AUH: variants seen among roughly 807,000 people sequenced by gnomAD.
AUH encodes methylglutaconyl-CoA hydratase, mitochondrial.
In AUH, 29 loss-of-function variants were observed where a neutral mutation model predicts 42.3. The observed-to-expected ratio is 0.69, with a 90% CI of 0.51 to 0.93. The LOEUF (loss-of-function observed/expected upper bound fraction) is 0.93. Among genes scored for constraint, AUH ranks in the 40% least tolerant of loss-of-function variants. The pLI is 0.00. For missense variants in AUH, 452 were observed against 438.1 expected, an observed-to-expected ratio of 1.03 and a Z score of -0.28; for synonymous variants, 174 against 166.4, an observed-to-expected ratio of 1.05 and a Z score of -0.35.
chr9:91,306,869 T>C (rs1828264278), intron 4 of AUH, among the ~76,000 whole-genome samples: 1 of 152,208 alleles, frequency 6.6e-6, no homozygotes, highest in Admixed American at 6.5e-5. Flanking sequence ...GTAGCAGCTT[T>C]ATGTGTAACA....
chr9:91,319,065 T>A (rs1829374895), intron 4 of AUH, among the ~76,000 whole-genome samples: 1 of 152,210 alleles, frequency 6.6e-6, no homozygotes, highest in African/African-American at 2.4e-5. Flanking sequence ...TCTTATTATC[T>A]TTATAATCTC....
At chr9:91,228,634 A>C (rs1827673194) in intron 6 of AUH, among the ~76,000 whole-genome samples, 1 of 141,080 alleles carries the variant, frequency 7.1e-6, no homozygotes, top group African/African-American at 2.7e-5. Flanking sequence ...TAGTTCTTTT[A>C]ATTGTGATGT....
intron 6 of AUH, among the ~76,000 whole-genome samples, chr9:91,284,173 T>C (rs1361357939): frequency 1.3e-5 from 2 of 152,068 alleles, no homozygotes; most frequent in Non-Finnish European, 2.9e-5. Context: ...TCTACAACCA[T>C]CTGATCTTTG....
chr9:91,292,136 C>T (rs909919788), intron 6 of AUH, among the ~76,000 whole-genome samples: 1 of 152,088 alleles, frequency 6.6e-6, no homozygotes, highest in Non-Finnish European at 1.5e-5. Context: ...CTTTCAAGAA[C>T]AGAAGCTCAT....
At chr9:91,296,896 G>A (rs76023281) in intron 5 of AUH, among the ~76,000 whole-genome samples, 2,307 of 152,312 alleles carry the variant, frequency 0.015, 20 homozygotes, top group Non-Finnish European at 0.024. Context: ...TCCTTATGCT[G>A]CCCAGGCTAG....
intron 6 of AUH, among the ~76,000 whole-genome samples, chr9:91,264,593 G>A (rs1012303988): frequency 1.1e-4 from 16 of 152,106 alleles, no homozygotes; most frequent in African/African-American, 3.9e-4. Context: ...TTGTTTTCCT[G>A]GAGTACATAC....
intron 6 of AUH, among the ~76,000 whole-genome samples, chr9:91,222,462 G>A (rs1338477832): frequency 6.6e-6 from 1 of 152,222 alleles, no homozygotes; most frequent in Non-Finnish European, 1.5e-5. Flanking sequence ...ACCGCAAAAT[G>A]CAGTTATTAC....
intron 6 of AUH, among the ~76,000 whole-genome samples, chr9:91,260,431 G>A (rs1264932741): frequency 6.6e-6 from 1 of 152,044 alleles, no homozygotes; most frequent in African/African-American, 2.4e-5. Context: ...TTTGGAATGA[G>A]TGTTTTTAGT....
intron 6 of AUH, among the ~76,000 whole-genome samples, chr9:91,251,047 T>C (rs1386496773): frequency 2.0e-5 from 3 of 152,112 alleles, no homozygotes; most frequent in Non-Finnish European, 4.4e-5. Flanking sequence ...GCAGAAGAGA[T>C]AGGGCACCAG....
At chr9:91,356,965 T>C (rs1447497028) in intron 1 of AUH, among the ~76,000 whole-genome samples, 4 of 152,250 alleles carry the variant, frequency 2.6e-5, no homozygotes, top group Non-Finnish European at 5.9e-5. Context: ...GGTATGTTTC[T>C]TATTTGCAAC....
intron 4 of AUH, among the ~76,000 whole-genome samples, chr9:91,300,627 A>C (rs1039755390): frequency 6.6e-6 from 1 of 152,220 alleles, no homozygotes; most frequent in Non-Finnish European, 1.5e-5. Context: ...CCCCTATTTA[A>C]AACTGTTCAA....
chr9:91,331,312 G>C (rs1266309102), intron 3 of AUH, among the ~76,000 whole-genome samples: 1 of 152,234 alleles, frequency 6.6e-6, no homozygotes, highest in Non-Finnish European at 1.5e-5. Context: ...TTCTATTTGA[G>C]AATGTATAAT....
chr9:91,247,038 C>T (rs1297320111), intron 6 of AUH, among the ~76,000 whole-genome samples: 11 of 152,292 alleles, frequency 7.2e-5, no homozygotes, highest in South Asian at 2.1e-4. Context: ...CTCCTTTCCC[C>T]GACAATCCTT....
intron 6 of AUH, among the ~76,000 whole-genome samples, chr9:91,260,891 C>T (rs1045659660): frequency 6.6e-6 from 1 of 152,160 alleles, no homozygotes; most frequent in Non-Finnish European, 1.5e-5. Context: ...TTTTCTTCTA[C>T]AGTACCTAAT....
chr9:91,311,250 T>C (rs188357568), intron 4 of AUH, among the ~76,000 whole-genome samples: 1 of 152,312 alleles, frequency 6.6e-6, no homozygotes, highest in Admixed American at 6.5e-5. Flanking sequence ...TAAAACCTTA[T>C]AAATGTTAAG....
intron 6 of AUH, among the ~76,000 whole-genome samples, chr9:91,233,798 G>A (rs1828026872): frequency 6.6e-6 from 1 of 152,122 alleles, no homozygotes; most frequent in African/African-American, 2.4e-5. Context: ...AGGTTACAAT[G>A]GCCTTCATGT....
chr9:91,306,416 T>C, intron 4 of AUH: 2 of 980,938 alleles, frequency 2.0e-6, no homozygotes, highest in Non-Finnish European at 1.2e-6. Flanking sequence ...ACATGGTAAA[T>C]GCAGTCACTT....
At chr9:91,334,553 G>T (rs1402904445) in intron 3 of AUH, among the ~76,000 whole-genome samples, 2 of 97,786 alleles carry the variant, frequency 2.0e-5, no homozygotes, top group Non-Finnish European at 4.3e-5. Flanking sequence ...AGCTTTCCTG[G>T]GTCTCCAGCT....
chr9:91,315,908 C>G (rs146536264), intron 4 of AUH, among the ~76,000 whole-genome samples: 57 of 152,260 alleles, frequency 3.7e-4, no homozygotes, highest in African/African-American at 1.3e-3. Flanking sequence ...CATCCCTAAA[C>G]ACAAACTGTT....
Sources: allele counts gnomAD v4.1 joint callset (sites outside exome capture counted in the v4.1 genomes callset), GRCh38; gene constraint gnomAD v4.1.1; transcripts MANE v1.5; gene names NCBI Gene and HGNC (gene_info 2026-07-23, HGNC 2026-07-21).